The following OXR1 variants were observed in gnomAD, a reference collection of about 807,000 sequenced individuals.
OXR1 encodes oxidation resistance 1.
OXR1 carries 41 observed loss-of-function variants against 104.6 expected under a neutral mutation model. The ratio of observed to expected loss-of-function variants is 0.39; its 90% CI spans 0.31 to 0.51. The LOEUF (loss-of-function observed/expected upper bound fraction) is 0.51, where lower values mean the gene tolerates loss of function less well. Ranked by LOEUF, OXR1 falls within the 20% of genes least tolerant of loss-of-function variation. The pLI, the probability that OXR1 is intolerant of heterozygous loss-of-function variation, is 0.77. For missense variants in OXR1, 955 were observed against 1,031.9 expected, an observed-to-expected ratio of 0.93 and a Z score of 1.02; for synonymous variants, 348 against 348.4, an observed-to-expected ratio of 1.00 and a Z score of 0.01.
intron 2 of OXR1, among the ~76,000 whole-genome samples, chr8:106,436,916 C>T (rs1189885191): frequency 6.6e-6 from 1 of 152,106 alleles, no homozygotes; most frequent in Non-Finnish European, 1.5e-5. Context: ...CTCAATGCAA[C>T]TCAAACCCCA....
chr8:106,517,223 T>C (rs1812915457), intron 2 of OXR1, among the ~76,000 whole-genome samples: 1 of 152,210 alleles, frequency 6.6e-6, no homozygotes, highest in East Asian at 1.9e-4. Flanking sequence ...ATGTTTAGCC[T>C]ACCATTTTAC....
rs111496123 is a variant in OXR1, at chr8:106,586,151, C to G, written c.220+67012C>G. On this transcript the variant is annotated intron_variant, in intron 3 of 16. Coordinates refer to ENST00000517566, the MANE Select transcript of OXR1 (RefSeq NM_001198533.2). ...TTGGAACATCAAGATTGGAAGCAGA[C>G]CAGTTAGGAAGTTATAGCCATGATT... Among the ~76,000 whole-genome samples, 660 of 152,074 alleles carry G rather than the reference C, an allele frequency of 4.3e-3. 3 individuals carry two copies. Among genetic ancestry groups the G allele is most frequent in the African/African-American group, 0.015 (605 of 41,470 alleles).
At chr8:106,540,761 A>G (rs1429141187) in intron 3 of OXR1, among the ~76,000 whole-genome samples, 1 of 152,206 alleles carries the variant, frequency 6.6e-6, no homozygotes, top group African/African-American at 2.4e-5. Context: ...CACAGCTTAC[A>G]TGGATGGTGG....
At chr8:106,321,856 C>A (rs1411465018) in intron 1 of OXR1, among the ~76,000 whole-genome samples, 7 of 152,048 alleles carry the variant, frequency 4.6e-5, no homozygotes, top group Non-Finnish European at 2.9e-5. Context: ...TGATATGAAC[C>A]TTTTGCTGAG....
At chr8:106,528,095 T>A (rs539327566) in intron 3 of OXR1, among the ~76,000 whole-genome samples, 1 of 152,136 alleles carries the variant, frequency 6.6e-6, no homozygotes, top group Non-Finnish European at 1.5e-5. Flanking sequence ...TTTCCTCTTT[T>A]GTCCCCTCCC....
chr8:106,499,564 G>C (rs1811645241), intron 2 of OXR1, among the ~76,000 whole-genome samples: 1 of 152,082 alleles, frequency 6.6e-6, no homozygotes, highest in African/African-American at 2.4e-5. Flanking sequence ...TACTGTGTAG[G>C]AATGATGAAA....
chr8:106,320,097 C>T (rs886828815), intron 1 of OXR1, among the ~76,000 whole-genome samples: 99 of 152,286 alleles, frequency 6.5e-4, no homozygotes, highest in African/African-American at 2.2e-3. Flanking sequence ...GCATTCAAAG[C>T]ACACATCACA....
chr8:106,688,634 T>A (rs1828980222), intron 6 of OXR1, among the ~76,000 whole-genome samples: 1 of 152,184 alleles, frequency 6.6e-6, no homozygotes, highest in African/African-American at 2.4e-5. Flanking sequence ...TTTTAATCTT[T>A]AACACTTTAA....
Position 106,680,079 on chromosome 8 carries a change from C to T in OXR1, c.303+787C>T, listed in dbSNP as rs185854130. Among the ~76,000 whole-genome samples, 581 of 152,096 alleles carry T rather than the reference C, an allele frequency of 3.8e-3. 4 individuals are homozygous for T. Among genetic ancestry groups the T allele is most frequent in the African/African-American group, 0.013 (559 of 41,544 alleles). The stretch of plus-strand genomic sequence containing the variant: ...CTTGGTTTGACTCTTATTTTCCATG[C>T]ATCTTTAAAATTGAACAAATTATCA... On this transcript the variant is annotated intron_variant, in intron 4 of 16. Transcript: ENST00000517566.
At chr8:106,729,153 A>T (rs1255673744) in intron 11 of OXR1, among the ~76,000 whole-genome samples, 1 of 152,140 alleles carries the variant, frequency 6.6e-6, no homozygotes, top group Admixed American at 6.5e-5. Flanking sequence ...GAGTTACCTT[A>T]TTTAATTCTC....
chr8:106,622,525 C>T (rs553952832), intron 3 of OXR1, among the ~76,000 whole-genome samples: 12 of 151,054 alleles, frequency 7.9e-5, no homozygotes, highest in East Asian at 2.0e-4. Context: ...TACTCCACTC[C>T]GACTTCACTA....
At chr8:106,725,357 AGC>A (rs1433818143) in intron 11 of OXR1, among the ~76,000 whole-genome samples, 1 of 152,132 alleles carries the variant, frequency 6.6e-6, no homozygotes, top group Non-Finnish European at 1.5e-5. Context: ...AAGTGGAAGG[AGC>A]TGCTTTACCT....
At chr8:106,391,044 G>C (rs543082586) in intron 2 of OXR1, among the ~76,000 whole-genome samples, 2 of 152,014 alleles carry the variant, frequency 1.3e-5, no homozygotes, top group Admixed American at 1.3e-4. Context: ...TGTGGGGTTC[G>C]CCTTTAAAAA....
chr8:106,606,741 C>G (rs1456607802), intron 3 of OXR1, among the ~76,000 whole-genome samples: 2 of 152,060 alleles, frequency 1.3e-5, no homozygotes, highest in African/African-American at 4.8e-5. Context: ...AACCTTAATT[C>G]CATCTGCGTC....
At chr8:106,302,459 A>C (rs1463848572) in intron 1 of OXR1, among the ~76,000 whole-genome samples, 1 of 151,440 alleles carries the variant, frequency 6.6e-6, no homozygotes, top group East Asian at 2.0e-4. Flanking sequence ...GGTGGCGGGC[A>C]CCTGTAGTCC....
At chr8:106,296,167 T>C (rs920250927) in intron 1 of OXR1, among the ~76,000 whole-genome samples, 4 of 152,186 alleles carry the variant, frequency 2.6e-5, no homozygotes, top group Admixed American at 2.6e-4. Context: ...CATGGGCTTA[T>C]AATCAACTTG....
intron 2 of OXR1, among the ~76,000 whole-genome samples, chr8:106,397,143 G>A (rs28678972): frequency 0.045 from 6,815 of 152,098 alleles, 528 homozygotes; most frequent in African/African-American, 0.16. Context: ...GAAGAAGAGT[G>A]GCAAGGAGAT....
At chr8:106,616,693 A>G (rs1053537552) in intron 3 of OXR1, among the ~76,000 whole-genome samples, 2 of 152,158 alleles carry the variant, frequency 1.3e-5, no homozygotes, top group Admixed American at 6.5e-5. Context: ...TATTATTACT[A>G]TTTATACAAC....
intron 2 of OXR1, among the ~76,000 whole-genome samples, chr8:106,427,268 G>A (rs1819169176): frequency 6.6e-6 from 1 of 152,104 alleles, no homozygotes; most frequent in African/African-American, 2.4e-5. Flanking sequence ...CCAGGTTCAT[G>A]TCATTCTCCT....
Sources: allele counts gnomAD v4.1 joint callset (sites outside exome capture counted in the v4.1 genomes callset), GRCh38; gene constraint gnomAD v4.1.1; transcripts MANE v1.5; gene names NCBI Gene and HGNC (gene_info 2026-07-23, HGNC 2026-07-21).